The following LOC122539214 variants were observed in gnomAD, a reference collection of about 807,000 sequenced individuals.
the LOC122539214 span, among the ~76,000 whole-genome samples, chr19:52,688,515 G>A: frequency 2.0e-5 from 3 of 151,392 alleles, no homozygotes; most frequent in East Asian, 1.9e-4. Flanking sequence ...GATTCTGTAC[G>A]TATCTCTCAT....
At chr19:52,682,229 A>ATTT in the LOC122539214 span, among the ~76,000 whole-genome samples, 1 of 152,046 alleles carries the variant, frequency 6.6e-6, no homozygotes, top group Non-Finnish European at 1.5e-5. Context: ...AAAAAAACTT[A>ATTT]TTGCAAATGA....
the LOC122539214 span, among the ~76,000 whole-genome samples, chr19:52,664,692 G>C: frequency 7.2e-6 from 1 of 139,700 alleles, no homozygotes; most frequent in African/African-American, 2.6e-5. Context: ...AAGGGATGCA[G>C]ATTAAGTGGG....
chr19:52,680,656 A>G, the LOC122539214 span, among the ~76,000 whole-genome samples: 1 of 114,366 alleles, frequency 8.7e-6, no homozygotes, highest in Non-Finnish European at 1.6e-5. Context: ...TCTGTCGCCC[A>G]GGCTGGAGTG....
At chr19:52,655,543 G>A in the LOC122539214 span, 4 of 1,475,648 alleles carry the variant, frequency 2.7e-6, no homozygotes, top group Non-Finnish European at 3.8e-6. Context: ...CTCACATCAG[G>A]AGGGACATTT....
At chr19:52,653,588 G>A in the LOC122539214 span, among the ~76,000 whole-genome samples, 1 of 152,096 alleles carries the variant, frequency 6.6e-6, no homozygotes, top group Admixed American at 6.5e-5. Flanking sequence ...CCAGTATGAC[G>A]TCTACGATGC....
the LOC122539214 span, among the ~76,000 whole-genome samples, chr19:52,653,726 TA>T: frequency 6.6e-6 from 1 of 152,250 alleles, no homozygotes; most frequent in African/African-American, 2.4e-5. Flanking sequence ...GAACACTCAT[TA>T]CACTTGTAAG....
chr19:52,658,847 GA>G, the LOC122539214 span, among the ~76,000 whole-genome samples: 1 of 152,154 alleles, frequency 6.6e-6, no homozygotes, highest in Non-Finnish European at 1.5e-5. Context: ...ATTTACTTCA[GA>G]TCACAGTACC....
chr19:52,669,513 A>G, the LOC122539214 span, among the ~76,000 whole-genome samples: 1 of 152,224 alleles, frequency 6.6e-6, no homozygotes, highest in Admixed American at 6.5e-5. Flanking sequence ...AGCCTTTGAC[A>G]TGATATTAGC....
the LOC122539214 span, among the ~76,000 whole-genome samples, chr19:52,656,461 G>T: frequency 1.3e-5 from 2 of 151,890 alleles, no homozygotes; most frequent in African/African-American, 2.4e-5. Flanking sequence ...GGAGGCAGAG[G>T]TTGTGGTAAG....
At chr19:52,681,929 C>A in the LOC122539214 span, among the ~76,000 whole-genome samples, 3 of 152,180 alleles carry the variant, frequency 2.0e-5, no homozygotes, top group East Asian at 5.8e-4. Context: ...CTCACTGCAA[C>A]CTCGTTTGCC....
chr19:52,687,614 G>GTA, the LOC122539214 span, among the ~76,000 whole-genome samples: 63 of 11,620 alleles, frequency 5.4e-3, 14 homozygotes, highest in African/African-American at 0.064. Context: ...TATATATAAT[G>GTA]TGTATATATA....
chr19:52,656,821 G>A, the LOC122539214 span, among the ~76,000 whole-genome samples: 1 of 144,526 alleles, frequency 6.9e-6, no homozygotes, highest in African/African-American at 2.6e-5. Flanking sequence ...AGCTGAGATA[G>A]TGCCATTTCA....
chr19:52,684,159 A>G, the LOC122539214 span, among the ~76,000 whole-genome samples: 1 of 152,196 alleles, frequency 6.6e-6, no homozygotes, highest in African/African-American at 2.4e-5. Flanking sequence ...ACTTGAGGTC[A>G]GGAGTTTGAG....
At chr19:52,657,722 T>C in the LOC122539214 span, among the ~76,000 whole-genome samples, 1 of 151,694 alleles carries the variant, frequency 6.6e-6, no homozygotes, top group Admixed American at 6.6e-5. Flanking sequence ...TGGTGCATGC[T>C]TGTAATCTCA....
chr19:52,653,818 T>C, the LOC122539214 span, among the ~76,000 whole-genome samples: 1 of 152,238 alleles, frequency 6.6e-6, no homozygotes, highest in South Asian at 2.1e-4. Flanking sequence ...ATCACATTTA[T>C]ATTGTTTCTC....
chr19:52,688,337 AT>A, the LOC122539214 span, among the ~76,000 whole-genome samples: 3,312 of 139,224 alleles, frequency 0.024, 90 homozygotes, highest in African/African-American at 0.068. Context: ...TACCCGATTA[AT>A]TTTTTTTTTT....
chr19:52,676,330 A>G, the LOC122539214 span, among the ~76,000 whole-genome samples: 4 of 152,086 alleles, frequency 2.6e-5, no homozygotes, highest in Non-Finnish European at 4.4e-5. Context: ...TCGGCTCACT[A>G]CAACCTCCAC....
chr19:52,674,861 C>G, the LOC122539214 span, among the ~76,000 whole-genome samples: 1 of 152,178 alleles, frequency 6.6e-6, no homozygotes, highest in African/African-American at 2.4e-5. Flanking sequence ...AACGCCCATA[C>G]AAATCCCTAT....
the LOC122539214 span, chr19:52,655,663 C>T: frequency 3.1e-6 from 4 of 1,302,772 alleles, no homozygotes; most frequent in South Asian, 4.8e-5. Context: ...AATTCTATAG[C>T]CACATCCCTG....
Sources: gnomAD v4.1 joint callset for allele counts (sites outside exome capture counted in the v4.1 genomes callset) on GRCh38, gnomAD v4.1.1 for gene constraint, MANE v1.5 for transcripts.